ATP6V1C1: variants seen among roughly 807,000 people sequenced by gnomAD.
ATP6V1C1 encodes V-type proton ATPase subunit C 1.
A neutral mutation model predicts 53.9 loss-of-function variants in ATP6V1C1; 45 were observed. The ratio of observed to expected loss-of-function variants is 0.83; its 90% CI spans 0.66 to 1.07. The LOEUF is 1.07. ATP6V1C1 is among the 50% of genes least tolerant of loss of function. The pLI, the probability that ATP6V1C1 is intolerant of heterozygous loss-of-function variation, is 0.00. For missense variants in ATP6V1C1, 315 were observed against 440.3 expected, an observed-to-expected ratio of 0.72 and a Z score of 2.55; for synonymous variants, 153 against 155.2, an observed-to-expected ratio of 0.99 and a Z score of 0.11.
chr8:103,032,502 T>C (rs1816816443), intron 1 of ATP6V1C1, among the ~76,000 whole-genome samples: 1 of 152,150 alleles, frequency 6.6e-6, no homozygotes, highest in Admixed American at 6.6e-5. Flanking sequence ...CTTTTTCTTT[T>C]CTTTCTTTCC....
rs1269142091 is a variant in ATP6V1C1 at position 103,070,372 on chromosome 8, T to A, written c.*1625T>A. 2 of 152,194 alleles carry A rather than the reference T, an allele frequency of 1.3e-5. No homozygotes were observed. Among genetic ancestry groups the A allele is most frequent in the African/African-American group, 4.8e-5 (2 of 41,446 alleles). 9.4% of individuals were successfully genotyped at this position (152,194 alleles called of 1,614,324 possible). ...GGGTCATAGGTTATGTACACTTAAG[T>A]TTTTGACACTCACTGCCAAGTCATC... On this transcript the variant is annotated 3_prime_UTR_variant, in exon 13 of 13. Coordinates refer to ENST00000518738, the MANE Select transcript of ATP6V1C1 (RefSeq NM_001695.5).
At chr8:103,032,771 C>A (rs922217310) in intron 1 of ATP6V1C1, among the ~76,000 whole-genome samples, 13 of 152,188 alleles carry the variant, frequency 8.5e-5, no homozygotes, top group Non-Finnish European at 1.9e-4. Context: ...AGCCACCACA[C>A]CTGGCCAATT....
chr8:103,033,755 T>C (rs534659831), intron 1 of ATP6V1C1, among the ~76,000 whole-genome samples: 2 of 152,362 alleles, frequency 1.3e-5, no homozygotes, highest in South Asian at 4.1e-4. Context: ...GGTTTCTTTG[T>C]AACTACTACC....
At chr8:103,051,606 G>A (rs138464360) in intron 5 of ATP6V1C1, among the ~76,000 whole-genome samples, 97 of 152,118 alleles carry the variant, frequency 6.4e-4, no homozygotes, top group Non-Finnish European at 1.2e-3. Flanking sequence ...AAAAATTCCC[G>A]TATTCGTGTG....
At chr8:103,050,169 T>C (rs978529181) in intron 4 of ATP6V1C1, among the ~76,000 whole-genome samples, 14 of 152,216 alleles carry the variant, frequency 9.2e-5, no homozygotes, top group Admixed American at 1.3e-4. Flanking sequence ...CTGATCTCAT[T>C]GTTTGCTGTG....
At position 103,066,388 on chromosome 8, in the gene ATP6V1C1, A is replaced by C. The variant is rs914487948; in HGVS notation, c.994A>C (p.Arg332=). The stretch of plus-strand genomic sequence containing the variant: ...CAATAAGAAAACTTTGAAGAAACTG[A>C]GAGAAGTATTACATGAATTGTATAA... ...QPNKKTLKKL[R]EVLHELYKHL... is the part of the protein sequence containing the mutation. The change falls in exon 12 of 13, where the codon AGA becomes CGA. Residue 332 remains arginine, a synonymous_variant. Transcript: ENST00000518738. 1 of 1,613,586 alleles carries C rather than the reference A, an allele frequency of 6.2e-7. No individual in the cohort carries two copies. The highest frequency in any genetic ancestry group is 8.5e-7 in the Non-Finnish European group (1 of 1,179,872).
chr8:103,040,283 G>T (rs537252950), intron 1 of ATP6V1C1, among the ~76,000 whole-genome samples: 1 of 151,934 alleles, frequency 6.6e-6, no homozygotes, highest in Non-Finnish European at 1.5e-5. Context: ...GTGTGATGGT[G>T]CATGGCTGTA....
intron 1 of ATP6V1C1, among the ~76,000 whole-genome samples, chr8:103,028,506 T>C (rs1304141931): frequency 6.6e-6 from 1 of 152,224 alleles, no homozygotes; most frequent in Admixed American, 6.5e-5. Context: ...TAGAAATGCC[T>C]GTCTTGTTAC....
Position 103,051,082 on chromosome 8 carries a change from TG to T in ATP6V1C1, c.322del (p.Asp108ThrfsTer11). The T allele has an allele frequency of 1.9e-6, 3 of 1,609,892 alleles. No homozygotes were observed. The highest frequency in any genetic ancestry group is 1.7e-6 in the Non-Finnish European group (2 of 1,177,276). The stretch of plus-strand genomic sequence containing the variant: ...GGTTACTTATATAACAAGGTTCCAG[TG>T]GGACATGGCCAAATATCCAATCAAG... ...DLVTYITRFQ[W>X]DMAKYPIKQS... On this transcript the variant is annotated frameshift_variant, in exon 5 of 13. Transcript: ENST00000518738. LOFTEE classifies it high-confidence loss of function.
At chr8:103,041,043 T>G in intron 2 of ATP6V1C1, 75 bp downstream of exon 2, 1 of 1,484,330 alleles carries the variant, frequency 6.7e-7, no homozygotes, top group Admixed American at 2.0e-5. Flanking sequence ...TTAGTGGAAA[T>G]GAGATACCCA....
intron 1 of ATP6V1C1, among the ~76,000 whole-genome samples, chr8:103,030,087 A>G (rs1443969696): frequency 6.6e-6 from 1 of 152,132 alleles, no homozygotes; most frequent in Non-Finnish European, 1.5e-5. Flanking sequence ...AGCACGCCAT[A>G]CATTTGCAAA....
At chr8:103,068,173 A>C (rs1366868793) in intron 12 of ATP6V1C1, among the ~76,000 whole-genome samples, 1 of 152,036 alleles carries the variant, frequency 6.6e-6, no homozygotes, top group Non-Finnish European at 1.5e-5. Context: ...TTTTGTAGCG[A>C]TAGAGTCTCA....
intron 2 of ATP6V1C1, among the ~76,000 whole-genome samples, chr8:103,041,216 G>A (rs1196558135): frequency 6.6e-6 from 1 of 152,172 alleles, no homozygotes; most frequent in Non-Finnish European, 1.5e-5. Context: ...AATGTTTGAT[G>A]TGTTACATTC....
At position 103,072,591 on chromosome 8, in the gene ATP6V1C1, A is replaced by C. The variant is rs1368362845; in HGVS notation, c.*3844A>C. 6.6e-6 allele frequency: 1 copy of C among 152,192 alleles called. No homozygotes were observed. Among genetic ancestry groups the C allele is most frequent in the Non-Finnish European group, 1.5e-5 (1 of 68,026 alleles). The allele number at this position is 152,192 out of a possible 1,614,324, so 9.4% of individuals were successfully genotyped here. On this transcript the variant is annotated 3_prime_UTR_variant, in exon 13 of 13. Coordinates refer to ENST00000518738, the MANE Select transcript of ATP6V1C1 (RefSeq NM_001695.5). ...TGATGTTCACCCATTTCAATATTGC[A>C]CTTATTAATGGTCTTTATTTTTCTA...
At chr8:103,029,030 GAAA>G (rs371951302) in intron 1 of ATP6V1C1, among the ~76,000 whole-genome samples, 1 of 151,134 alleles carries the variant, frequency 6.6e-6, no homozygotes, top group Admixed American at 6.6e-5. Context: ...TAAAAATTAG[GAAA>G]AAAATATACA....
chr8:103,060,558 C>T (rs1467971245), intron 8 of ATP6V1C1, among the ~76,000 whole-genome samples: 1 of 152,198 alleles, frequency 6.6e-6, no homozygotes, highest in African/African-American at 2.4e-5. Context: ...TCAGGAAATG[C>T]TGTCTTAGTT....
intron 1 of ATP6V1C1, among the ~76,000 whole-genome samples, chr8:103,023,886 T>C (rs1409015328): frequency 6.6e-6 from 1 of 150,694 alleles, no homozygotes; most frequent in African/African-American, 2.4e-5. Context: ...ACAGTAGTCT[T>C]TGATTCAGCA....
At chr8:103,067,598 C>CTTTTTTTTTTTTTTTT (rs764474136) in intron 12 of ATP6V1C1, among the ~76,000 whole-genome samples, 3 of 114,946 alleles carry the variant, frequency 2.6e-5, no homozygotes, top group Non-Finnish European at 5.5e-5. Context: ...TTTTCTTTTT[C>CTTTTTTTTTTTTTTTT]TTTTTTTTTT....
intron 1 of ATP6V1C1, among the ~76,000 whole-genome samples, chr8:103,032,415 A>G (rs777179820): frequency 6.6e-6 from 1 of 152,204 alleles, no homozygotes; most frequent in Non-Finnish European, 1.5e-5. Flanking sequence ...ATAGGAGTAT[A>G]AAATGTTATA....
Sources: allele counts gnomAD v4.1 joint callset (sites outside exome capture counted in the v4.1 genomes callset), GRCh38; gene constraint gnomAD v4.1.1; transcripts MANE v1.5; gene names NCBI Gene and HGNC (gene_info 2026-07-23, HGNC 2026-07-21).